The following STON1 variants were observed in gnomAD, a reference collection of about 807,000 sequenced individuals.
The protein encoded by STON1 is stonin 1.
Under a neutral mutation model 60.9 loss-of-function variants are expected in STON1, and 79 were observed. The observed-to-expected ratio is 1.30, with a 90% CI of 1.08 to 1.56. The LOEUF (loss-of-function observed/expected upper bound fraction) is 1.56. Among genes scored for constraint, STON1 ranks in the 40% most tolerant of loss-of-function variants. STON1 has a pLI of 0.00. For missense variants in STON1, 1,166 were observed against 858.9 expected (o/e 1.36, Z -4.47); for synonymous variants, 363 against 306.9 (o/e 1.18, Z -1.91).
chr2:48,563,545 C>G (rs533522351), intron 1 of STON1, among the ~76,000 whole-genome samples: 1 of 152,196 alleles, frequency 6.6e-6, no homozygotes, highest in Non-Finnish European at 1.5e-5. Flanking sequence ...TCATAGCAGA[C>G]AGTGGGCAAT....
chr2:48,573,803 A>T (rs1482362059), intron 1 of STON1, among the ~76,000 whole-genome samples: 1 of 152,242 alleles, frequency 6.6e-6, no homozygotes, highest in Non-Finnish European at 1.5e-5. Flanking sequence ...GGATAAACAA[A>T]GTGTGATATT....
chr2:48,547,831 T>C (rs2103777337), intron 1 of STON1, among the ~76,000 whole-genome samples: 1 of 152,348 alleles, frequency 6.6e-6, no homozygotes, highest in Admixed American at 6.5e-5. Context: ...ATGAACTCAC[T>C]TATACAGTAA....
chr2:48,581,573 G>C lies in STON1; in HGVS notation c.940G>C (p.Gly314Arg), dbSNP rs1272788635. 1.2e-6 allele frequency: 2 copies of C among 1,614,092 alleles called. No individual in the cohort carries two copies. Among genetic ancestry groups the C allele is most frequent in the East Asian group, 4.5e-5 (2 of 44,882 alleles). The change falls in exon 2 of 4, where the codon GGA becomes CGA. Residue 314 changes from glycine (G) to arginine (R), a missense_variant. Physicochemically the swap from Gly to Arg is moderately radical, Grantham distance 125. Coordinates refer to ENST00000404752, the MANE Select transcript of STON1 (RefSeq NM_006873.4). Reference protein sequence around the residue: ...GGILQMYYEQGLEKPFKEIQL... With the variant: ...GGILQMYYEQRLEKPFKEIQL... ...AATTTTGCAGATGTATTATGAACAGGGATTAGAAAAACCATTTAAAGAGAT... is the reference window on the plus strand; with the variant it reads ...AATTTTGCAGATGTATTATGAACAGCGATTAGAAAAACCATTTAAAGAGAT...
chr2:48,536,102 A>C (rs979165820), intron 1 of STON1, among the ~76,000 whole-genome samples: 2 of 151,666 alleles, frequency 1.3e-5, no homozygotes, highest in East Asian at 3.9e-4. Context: ...ATAAATCAAA[A>C]AACCTAAAAA....
At position 48,598,148 on chromosome 2, in the gene STON1, C is replaced by A. The variant is rs1345710408; in HGVS notation, c.*2846C>A. ...TCATGGGTAGATGATTTGTGCAGAT[C>A]TGAATTTAAGAACATTTCCTTTTTC... On this transcript the variant is annotated 3_prime_UTR_variant, in exon 4 of 4. Coordinates refer to ENST00000404752, the MANE Select transcript of STON1 (RefSeq NM_006873.4). 1 of 152,064 alleles carries A rather than the reference C, an allele frequency of 6.6e-6. No homozygotes were observed. The highest frequency in any genetic ancestry group is 1.5e-5 in the Non-Finnish European group (1 of 68,030). 9.4% of individuals were successfully genotyped at this position (152,064 alleles called of 1,614,324 possible).
intron 1 of STON1, among the ~76,000 whole-genome samples, chr2:48,558,217 T>C (rs1672464693): frequency 6.6e-6 from 1 of 152,194 alleles, no homozygotes. Context: ...AGCGAAACTC[T>C]GTCTGTCTCA....
intron 1 of STON1, among the ~76,000 whole-genome samples, chr2:48,575,393 C>G (rs994115375): frequency 6.6e-6 from 1 of 152,096 alleles, no homozygotes. Context: ...GTGGCTCACA[C>G]CTGTAATCCC....
chr2:48,578,297 T>A (rs1371290151), intron 1 of STON1, among the ~76,000 whole-genome samples: 1 of 152,178 alleles, frequency 6.6e-6, no homozygotes, highest in East Asian at 1.9e-4. Flanking sequence ...CATGTTGAGT[T>A]GATGGTTGTG....
At chr2:48,549,294 A>C (rs1671993567) in intron 1 of STON1, among the ~76,000 whole-genome samples, 1 of 152,200 alleles carries the variant, frequency 6.6e-6, no homozygotes, top group South Asian at 2.1e-4. Context: ...TGCTCCCTGA[A>C]GCACCTTAAG....
intron 2 of STON1, among the ~76,000 whole-genome samples, chr2:48,582,941 A>G (rs536865436): frequency 6.6e-6 from 1 of 152,238 alleles, no homozygotes; most frequent in Admixed American, 6.5e-5. Context: ...AAGATCTGTC[A>G]TCCATGAATA....
At chr2:48,585,227 T>G (rs1211099038) in intron 2 of STON1, among the ~76,000 whole-genome samples, 1 of 150,338 alleles carries the variant, frequency 6.7e-6, no homozygotes, top group Non-Finnish European at 1.5e-5. Context: ...TATAATCCAC[T>G]GAGATGATGT....
At chr2:48,558,651 A>T (rs1166826876) in intron 1 of STON1, among the ~76,000 whole-genome samples, 1 of 152,070 alleles carries the variant, frequency 6.6e-6, no homozygotes, top group African/African-American at 2.4e-5. Flanking sequence ...GTTAACTGGC[A>T]CATAACTCAA....
intron 1 of STON1, among the ~76,000 whole-genome samples, chr2:48,549,808 CTCAAA>C (rs1488529119): frequency 2.7e-5 from 2 of 72,942 alleles, no homozygotes; most frequent in Admixed American, 1.7e-4. Context: ...GTGACTCCAT[CTCAAA>C]AAAAAAAAAA....
At chr2:48,576,912 G>C (rs1231245532) in intron 1 of STON1, among the ~76,000 whole-genome samples, 1 of 152,034 alleles carries the variant, frequency 6.6e-6, no homozygotes. Context: ...AAATTAGCCG[G>C]GCGCGGTGGC....
chr2:48,554,095 C>T (rs1228922934), intron 1 of STON1, among the ~76,000 whole-genome samples: 1 of 152,088 alleles, frequency 6.6e-6, no homozygotes, highest in Non-Finnish European at 1.5e-5. Context: ...GGTGTGAGCT[C>T]CTGGTTGTGC....
chr2:48,571,447 C>T (rs571139727), intron 1 of STON1, among the ~76,000 whole-genome samples: 1 of 152,238 alleles, frequency 6.6e-6, no homozygotes, highest in South Asian at 2.1e-4. Flanking sequence ...GAGACGTTGC[C>T]TGTGAAGGGC....
intron 1 of STON1, among the ~76,000 whole-genome samples, chr2:48,555,566 C>T (rs1458209174): frequency 4.8e-5 from 3 of 62,016 alleles, no homozygotes; most frequent in African/African-American, 2.0e-4. Flanking sequence ...CCCCACCTCC[C>T]TCCTGGACAG....
intron 2 of STON1, among the ~76,000 whole-genome samples, chr2:48,590,259 A>G (rs1386048948): frequency 1.3e-5 from 2 of 152,192 alleles, no homozygotes. Flanking sequence ...AGTGGTAGAG[A>G]TGGCTAATGA....
intron 1 of STON1, among the ~76,000 whole-genome samples, chr2:48,544,630 C>T (rs1416702565): frequency 6.6e-6 from 1 of 152,206 alleles, no homozygotes; most frequent in Non-Finnish European, 1.5e-5. Context: ...ACTGCAACCT[C>T]TGCCTCCCAG....
Sources: gnomAD v4.1 joint callset for allele counts (sites outside exome capture counted in the v4.1 genomes callset) on GRCh38, gnomAD v4.1.1 for gene constraint, MANE v1.5 for transcripts, NCBI Gene and HGNC (gene_info 2026-07-23, HGNC 2026-07-21) for gene names.